Variants in ARHGEF4 observed in about 807,000 individuals in gnomAD.
ARHGEF4 encodes Rho guanine nucleotide exchange factor 4.
ARHGEF4 carries 119 observed loss-of-function variants against 162.0 expected under a neutral mutation model. The observed-to-expected ratio is 0.73, with a 90% confidence interval of 0.63 to 0.86. The LOEUF (loss-of-function observed/expected upper bound fraction) is 0.86. ARHGEF4 is among the 40% of genes least tolerant of loss of function. The pLI is 0.00. For missense variants in ARHGEF4, 2,488 were observed against 2,456.0 expected, an observed-to-expected ratio of 1.01 and a Z score of -0.28; for synonymous variants, 1,014 against 979.9, an observed-to-expected ratio of 1.03 and a Z score of -0.65.
At chr2:130,853,513 A>T (rs1681557373) in intron 1 of ARHGEF4, among the ~76,000 whole-genome samples, 1 of 152,152 alleles carries the variant, frequency 6.6e-6, no homozygotes, top group Admixed American at 6.5e-5. Context: ...CCTGTTTCAC[A>T]GGTGTTGTGA....
intron 2 of ARHGEF4, among the ~76,000 whole-genome samples, chr2:130,928,591 C>T (rs1453904833): frequency 1.3e-5 from 2 of 152,174 alleles, no homozygotes; most frequent in African/African-American, 4.8e-5. Context: ...GAGGGTCACA[C>T]TTACAAACTT....
intron 4 of ARHGEF4, among the ~76,000 whole-genome samples, chr2:131,007,435 T>G (rs954625648): frequency 1.2e-4 from 19 of 152,218 alleles, no homozygotes; most frequent in Non-Finnish European, 2.8e-4. Context: ...TCTCCTTACT[T>G]TTTATAGGCT....
At chr2:130,855,284 T>G (rs1392400971) in intron 1 of ARHGEF4, among the ~76,000 whole-genome samples, 2 of 152,126 alleles carry the variant, frequency 1.3e-5, no homozygotes, top group African/African-American at 4.8e-5. Flanking sequence ...GCTGGTAGGT[T>G]CATGAGTCAG....
chr2:131,011,816 G>A, intron 4 of ARHGEF4: 1 of 759,784 alleles, frequency 1.3e-6, no homozygotes, highest in Non-Finnish European at 2.3e-6. Flanking sequence ...ACCGCTCAGG[G>A]TATTGTGCAG....
chr2:130,976,195 C>G lies in ARHGEF4; in HGVS notation c.3985+29560C>G, dbSNP rs138009880. On this transcript the variant is annotated intron_variant, in intron 4 of 13. Transcript: ENST00000409359. Reference sequence around the variant, plus strand: ...CTGGAACATCCCAGGGTGTGTGGCCCAGGGCATTGGTCTTGAGGGATAAGA... The same window carrying G: ...CTGGAACATCCCAGGGTGTGTGGCCGAGGGCATTGGTCTTGAGGGATAAGA... Among the ~76,000 whole-genome samples, 398 of 152,154 alleles carry G rather than the reference C, an allele frequency of 2.6e-3. 2 individuals are homozygous for G. The highest frequency in any genetic ancestry group is 4.1e-3 in the Non-Finnish European group (277 of 68,008).
chr2:130,987,460 ACCCAAG>A (rs1686596208), intron 4 of ARHGEF4, among the ~76,000 whole-genome samples: 1 of 152,140 alleles, frequency 6.6e-6, no homozygotes. Flanking sequence ...ATGGAACAGG[ACCCAAG>A]GGGGTTGCAG....
intron 1 of ARHGEF4, among the ~76,000 whole-genome samples, chr2:130,852,197 CA>C (rs1370352575): frequency 6.6e-6 from 1 of 152,230 alleles, no homozygotes; most frequent in Non-Finnish European, 1.5e-5. Flanking sequence ...CTGACGAGCT[CA>C]TGGGTCTAGT....
chr2:130,925,663 T>C (rs1448945839), intron 2 of ARHGEF4, among the ~76,000 whole-genome samples: 2 of 152,250 alleles, frequency 1.3e-5, no homozygotes, highest in Admixed American at 6.5e-5. Context: ...CACTTCCTTC[T>C]GGCCTCCAGG....
chr2:131,044,614 C>CGGTCAG, intron 12 of ARHGEF4, 72 bp downstream of exon 12: 1 of 1,510,088 alleles, frequency 6.6e-7, no homozygotes, highest in Non-Finnish European at 8.9e-7. Flanking sequence ...GGCCGCCTGC[C>CGGTCAG]GGTCAGGAGA....
chr2:130,836,966 G>A lies in ARHGEF4; in HGVS notation c.13G>A (p.Val5Met). The change falls in exon 1 of 14, where the codon GTG becomes ATG. Residue 5 changes from valine to methionine, a missense_variant. Coordinates refer to ENST00000409359, the MANE Select transcript of ARHGEF4 (RefSeq NM_001367493.1). MLSV[V>M]HFLRSFFKTP... Reference sequence around the variant, plus strand: ...CCCGGCGGCCACCATGCTCAGCGTCGTGCACTTCCTCCGGAGCTTCTTCAA... The same window carrying A: ...CCCGGCGGCCACCATGCTCAGCGTCATGCACTTCCTCCGGAGCTTCTTCAA... The A allele has an allele frequency of 8.2e-7, 1 of 1,226,610 alleles. No homozygotes were observed. The highest frequency in any genetic ancestry group is 1.0e-6 in the Non-Finnish European group (1 of 984,598). 76.0% of individuals were successfully genotyped at this position (1,226,610 alleles called of 1,614,324 possible). A position where few individuals can be genotyped will look rare whatever the true frequency, so the allele number is the denominator to read the frequency against.
At chr2:130,964,299 T>A in intron 4 of ARHGEF4, 1 of 977,046 alleles carries the variant, frequency 1.0e-6, no homozygotes, top group Non-Finnish European at 1.2e-6. Flanking sequence ...CGCCCGGGTC[T>A]GTGCTCTTGG....
chr2:130,926,014 C>T (rs4502425), intron 2 of ARHGEF4, among the ~76,000 whole-genome samples: 9,802 of 93,362 alleles, frequency 0.1, 1,142 homozygotes, highest in African/African-American at 0.18. Context: ...TTGGTTTTCT[C>T]TCTTTCTTTC....
At chr2:130,950,195 C>T (rs1683864033) in intron 4 of ARHGEF4, among the ~76,000 whole-genome samples, 1 of 152,198 alleles carries the variant, frequency 6.6e-6, no homozygotes, top group African/African-American at 2.4e-5. Context: ...GTAGTCCTGG[C>T]AGGGAGCTCC....
Position 130,887,020 on chromosome 2 carries a change from A to G in ARHGEF4, c.40-26966A>G, listed in dbSNP as rs182433862. 2.8e-3 allele frequency among the ~76,000 whole-genome samples: 426 copies of G among 152,186 alleles called. 12 individuals carry two copies. The highest frequency in any genetic ancestry group is 9.0e-3 in the African/African-American group (375 of 41,440). On this transcript the variant is annotated intron_variant, in intron 1 of 13. Coordinates refer to ENST00000409359, the MANE Select transcript of ARHGEF4 (RefSeq NM_001367493.1). ...AGTATCCTTACACCAATGTCACACT[A>G]TCTTGATTACTGTCACTTTATAGTC...
At chr2:130,847,823 T>TG (rs1681102699) in intron 1 of ARHGEF4, among the ~76,000 whole-genome samples, 1 of 152,196 alleles carries the variant, frequency 6.6e-6, no homozygotes, top group South Asian at 2.1e-4. Flanking sequence ...AAGGCGGCCT[T>TG]GAAGGCCCAT....
At chr2:130,901,516 C>T (rs1285963524) in intron 1 of ARHGEF4, among the ~76,000 whole-genome samples, 1 of 148,236 alleles carries the variant, frequency 6.7e-6, no homozygotes, top group Non-Finnish European at 1.5e-5. Flanking sequence ...GATCCAGAGC[C>T]CATATTCTTT....
chr2:130,879,969 T>C (rs1679090014), intron 1 of ARHGEF4, among the ~76,000 whole-genome samples: 1 of 152,162 alleles, frequency 6.6e-6, no homozygotes, highest in Non-Finnish European at 1.5e-5. Context: ...TGTGTGTATA[T>C]ACCACGTTTT....
At chr2:131,032,848 CTTTTT>C (rs111971610) in intron 5 of ARHGEF4, among the ~76,000 whole-genome samples, 2 of 128,618 alleles carry the variant, frequency 1.6e-5, no homozygotes, top group East Asian at 2.2e-4. Context: ...TTTCTTTTTT[CTTTTT>C]TTTTTTTTTT....
At chr2:130,992,206 G>C (rs570839562) in intron 4 of ARHGEF4, among the ~76,000 whole-genome samples, 2 of 152,272 alleles carry the variant, frequency 1.3e-5, no homozygotes, top group South Asian at 4.1e-4. Flanking sequence ...AGGCCACTGG[G>C]CTCTACCAAT....
Sources: allele counts gnomAD v4.1 joint callset (sites outside exome capture counted in the v4.1 genomes callset), GRCh38; gene constraint gnomAD v4.1.1; transcripts MANE v1.5; gene names NCBI Gene and HGNC (gene_info 2026-07-23, HGNC 2026-07-21).